MBTD1: variants seen among roughly 807,000 people sequenced by gnomAD.
The protein encoded by MBTD1 is mbt domain containing 1, also known as MBT domain-containing protein 1.
Under a neutral mutation model 87.8 loss-of-function variants are expected in MBTD1, and 24 were observed. The ratio of observed to expected loss-of-function variants is 0.27; its 90% CI spans 0.20 to 0.38. The LOEUF is 0.38. MBTD1 is among the 10% of genes least tolerant of loss of function. The pLI is 1.00. For synonymous variants in MBTD1, 237 were observed against 248.6 expected (o/e 0.95, Z 0.44); for missense variants, 436 against 760.2 (o/e 0.57, Z 5.02).
chr17:51,217,514 T>A lies in MBTD1; in HGVS notation c.404-98A>T, dbSNP rs924810331. Reference sequence around the variant, plus strand: ...ATGTGTGAAAGGACATAAAATTAATTTATCCCATTTAAAGAACGTTTTCTT... The same window carrying A: ...ATGTGTGAAAGGACATAAAATTAATATATCCCATTTAAAGAACGTTTTCTT... On this transcript the variant is annotated intron_variant, in intron 5 of 16. Transcript: ENST00000586178. The A allele has an allele frequency of 7.0e-6, 4 of 575,492 alleles. No individual in the cohort carries two copies. In the African/African-American group the frequency reaches 7.8e-5, roughly 11 times the overall value. The allele number at this position is 575,492 out of a possible 1,614,324, so 35.6% of individuals were successfully genotyped here.
intron 15 of MBTD1, 25 bp from the exon 16 acceptor site, chr17:51,192,305 G>C: frequency 6.8e-7 from 1 of 1,472,656 alleles, no homozygotes. Context: ...GGGAAAATTG[G>C]TACTAGATAA....
intron 16 of MBTD1, among the ~76,000 whole-genome samples, chr17:51,188,309 T>C (rs2050639961): frequency 6.6e-6 from 1 of 152,218 alleles, no homozygotes; most frequent in East Asian, 1.9e-4. Context: ...CTTATACTTA[T>C]TCTCAAAAGT....
At chr17:51,260,682 C>T (rs753137909), upstream of MBTD1, 7 of 1,608,176 alleles carry the variant, frequency 4.4e-6, no homozygotes, top group South Asian at 7.7e-5. Flanking sequence ...AAAGCCGGAG[C>T]GGGGCCAGGC....
At chr17:51,187,865 A>G (rs1360643842) in intron 16 of MBTD1, among the ~76,000 whole-genome samples, 2 of 122,636 alleles carry the variant, frequency 1.6e-5, no homozygotes, top group East Asian at 4.8e-4. Context: ...AAAGAAAGAA[A>G]GAAAAAAAAA....
At chr17:51,259,494 G>A (rs917851460) in intron 1 of MBTD1, among the ~76,000 whole-genome samples, 11 of 152,136 alleles carry the variant, frequency 7.2e-5, no homozygotes, top group African/African-American at 2.7e-4. Flanking sequence ...CACCCTGGGT[G>A]GCTAAAAAAG....
At chr17:51,200,785 G>A (rs1344046529) in intron 12 of MBTD1, among the ~76,000 whole-genome samples, 1 of 144,632 alleles carries the variant, frequency 6.9e-6, no homozygotes, top group Middle Eastern at 3.4e-3. Flanking sequence ...GATCACCTGA[G>A]CCTGGGAGGC....
At chr17:51,226,920 C>T (rs912826186) in intron 2 of MBTD1, among the ~76,000 whole-genome samples, 7 of 151,864 alleles carry the variant, frequency 4.6e-5, no homozygotes, top group Non-Finnish European at 8.8e-5. Flanking sequence ...TGTGAGGCAC[C>T]GCACCCAGCC....
At chr17:51,221,013 C>A in intron 3 of MBTD1, among the ~76,000 whole-genome samples, 1 of 152,148 alleles carries the variant, frequency 6.6e-6, no homozygotes, top group Admixed American at 6.5e-5. Flanking sequence ...GAGGTAGAGG[C>A]CAGGTGTAGT....
intron 12 of MBTD1, 48 bp downstream of exon 12, chr17:51,201,544 C>A: frequency 7.9e-7 from 1 of 1,270,246 alleles, no homozygotes; most frequent in Admixed American, 2.0e-5. Flanking sequence ...TTAGCTTATA[C>A]CCAAATCCTA....
At chr17:51,190,771 A>ATATATATATATAT (rs1555677217) in intron 16 of MBTD1, among the ~76,000 whole-genome samples, 1 of 133,674 alleles carries the variant, frequency 7.5e-6, no homozygotes, top group South Asian at 2.3e-4. Flanking sequence ...ATATATATAT[A>ATATATATATATAT]ACCTTATCTA....
At chr17:51,232,385 G>A (rs1485499124) in intron 2 of MBTD1, among the ~76,000 whole-genome samples, 1 of 152,054 alleles carries the variant, frequency 6.6e-6, no homozygotes, top group Non-Finnish European at 1.5e-5. Flanking sequence ...CCATGAGCAA[G>A]CATCAGCAGA....
chr17:51,259,915 G>C lies in MBTD1; in HGVS notation c.-193C>G. 8 of 1,229,646 alleles carry C rather than the reference G, an allele frequency of 6.5e-6. No homozygotes were observed. The highest frequency in any genetic ancestry group is 3.1e-5 in the African/African-American group (2 of 64,466). 76.2% of individuals were successfully genotyped at this position (1,229,646 alleles called of 1,614,324 possible). Reference sequence around the variant, plus strand: ...CGAGCCCGCGGCGCCCCCTCCCCGGGCTGGGGGCAGGTGCCTCTCCCCGGG... The same window carrying C: ...CGAGCCCGCGGCGCCCCCTCCCCGGCCTGGGGGCAGGTGCCTCTCCCCGGG... On this transcript the variant is annotated 5_prime_UTR_variant, in exon 1 of 17. Coordinates refer to ENST00000586178, the MANE Select transcript of MBTD1 (RefSeq NM_017643.3).
chr17:51,193,725 C>A (rs1290177302), intron 13 of MBTD1, among the ~76,000 whole-genome samples: 1 of 152,126 alleles, frequency 6.6e-6, no homozygotes, highest in Non-Finnish European at 1.5e-5. Flanking sequence ...CTCAAGTGAT[C>A]CTCCTGCCTT....
chr17:51,256,465 G>T (rs1008911178), intron 2 of MBTD1: 2 of 152,072 alleles, frequency 1.3e-5, no homozygotes, highest in African/African-American at 4.8e-5. Context: ...ACTTTCTGGG[G>T]TATACATTAA....
rs1232070065 is a variant in MBTD1 at position 51,248,099 on chromosome 17, T to A, written c.-49+11044A>T. On this transcript the variant is annotated intron_variant, in intron 2 of 16. Transcript: ENST00000586178. Reference sequence around the variant, plus strand: ...CCCGTTGTTATTTCTTAAAATTTCATGTGTGCTTTCTCCCTTTCCCCACTT... The same window carrying A: ...CCCGTTGTTATTTCTTAAAATTTCAAGTGTGCTTTCTCCCTTTCCCCACTT... Among the ~76,000 whole-genome samples the A allele has an allele frequency of 7.2e-5, 11 of 152,228 alleles. No individual in the cohort carries two copies. The East Asian group carries it at 2.1e-3, about 29-fold the overall frequency.
chr17:51,185,570 C>T (rs964681687), intron 16 of MBTD1: 1 of 152,144 alleles, frequency 6.6e-6, no homozygotes, highest in Non-Finnish European at 1.5e-5. Flanking sequence ...ATGTTACTGC[C>T]ACAACTAAAA....
chr17:51,196,478 C>T (rs906171983), intron 12 of MBTD1, among the ~76,000 whole-genome samples: 1 of 152,066 alleles, frequency 6.6e-6, no homozygotes, highest in African/African-American at 2.4e-5. Context: ...CCCACCTTGG[C>T]CAGGCTGCCC....
At chr17:51,199,945 C>T (rs560678249) in intron 12 of MBTD1, among the ~76,000 whole-genome samples, 164 of 152,174 alleles carry the variant, frequency 1.1e-3, no homozygotes, top group African/African-American at 3.8e-3. Context: ...CTGCCGCAGT[C>T]TCCTGAGTAG....
intron 2 of MBTD1, among the ~76,000 whole-genome samples, chr17:51,230,903 C>G (rs73353631): frequency 0.037 from 5,622 of 152,254 alleles, 357 homozygotes; most frequent in African/African-American, 0.13. Context: ...TAGAGTCATA[C>G]AGCTCACCTC....
Sources: allele counts gnomAD v4.1 joint callset (sites outside exome capture counted in the v4.1 genomes callset), GRCh38; gene constraint gnomAD v4.1.1; transcripts MANE v1.5; gene names NCBI Gene and HGNC (gene_info 2026-07-23, HGNC 2026-07-21).